The following RNF150 variants were observed in gnomAD, a reference collection of about 807,000 sequenced individuals.
RNF150 encodes the protein ring finger protein 150.
RNF150 carries 24 observed loss-of-function variants against 39.3 expected under a neutral mutation model. That is an observed-to-expected ratio of 0.61 (90% confidence interval 0.44 to 0.86). The LOEUF is 0.86. Ranked by LOEUF, RNF150 falls within the 40% of genes least tolerant of loss-of-function variation. The probability of loss-of-function intolerance (pLI) is 0.00; values close to 1 mark genes in which losing one functional copy is unlikely to be tolerated. For synonymous variants in RNF150, 255 were observed against 227.3 expected, an observed-to-expected ratio of 1.12 and a Z score of -1.10; for missense variants, 502 against 587.8, an observed-to-expected ratio of 0.85 and a Z score of 1.51.
chr4:141,005,719 T>C (rs1432322323), intron 1 of RNF150, among the ~76,000 whole-genome samples: 2 of 152,212 alleles, frequency 1.3e-5, no homozygotes, highest in Admixed American at 1.3e-4. Context: ...CATTTGTAAT[T>C]TGAGTATATC....
At chr4:141,002,646 G>A (rs892394549) in intron 1 of RNF150, among the ~76,000 whole-genome samples, 7 of 152,124 alleles carry the variant, frequency 4.6e-5, no homozygotes, top group African/African-American at 1.7e-4. Flanking sequence ...AGGAAGGACC[G>A]CTGCATGCAC....
intron 1 of RNF150, among the ~76,000 whole-genome samples, chr4:141,160,514 C>T (rs1381434660): frequency 6.6e-6 from 1 of 152,098 alleles, no homozygotes; most frequent in African/African-American, 2.4e-5. Context: ...CATAAAATAA[C>T]AAAATTAATT....
intron 4 of RNF150, among the ~76,000 whole-genome samples, chr4:140,938,257 TAA>T (rs1731936673): frequency 6.6e-6 from 1 of 152,198 alleles, no homozygotes; most frequent in Non-Finnish European, 1.5e-5. Flanking sequence ...ATGGTAACGC[TAA>T]GTTTTCAAAT....
intron 1 of RNF150, among the ~76,000 whole-genome samples, chr4:141,028,534 C>A (rs1735807429): frequency 6.6e-6 from 1 of 152,072 alleles, no homozygotes; most frequent in Non-Finnish European, 1.5e-5. Context: ...GCCTCTTAGA[C>A]AAATGGAGTA....
chr4:140,869,220 T>C (rs944477974), intron 6 of RNF150, among the ~76,000 whole-genome samples: 1 of 152,234 alleles, frequency 6.6e-6, no homozygotes, highest in African/African-American at 2.4e-5. Context: ...ATTAAAATGA[T>C]GTTTTCAAAG....
chr4:140,934,471 G>C (rs1340037109), intron 4 of RNF150, among the ~76,000 whole-genome samples: 3 of 151,800 alleles, frequency 2.0e-5, no homozygotes, highest in Non-Finnish European at 4.4e-5. Context: ...AAAAAAAAAA[G>C]AATGCAATAA....
At chr4:140,960,532 A>G (rs1014799921) in intron 2 of RNF150, among the ~76,000 whole-genome samples, 2 of 152,312 alleles carry the variant, frequency 1.3e-5, no homozygotes, top group East Asian at 1.9e-4. Context: ...CTGTGATTAG[A>G]GGGTTGGAAT....
chr4:141,000,721 G>T (rs918417899), intron 1 of RNF150, among the ~76,000 whole-genome samples: 6 of 152,180 alleles, frequency 3.9e-5, no homozygotes, highest in Non-Finnish European at 8.8e-5. Flanking sequence ...CGTTATAAAT[G>T]TGTCTCCTCA....
At chr4:141,062,665 CT>C (rs1737283132) in intron 1 of RNF150, among the ~76,000 whole-genome samples, 1 of 152,076 alleles carries the variant, frequency 6.6e-6, no homozygotes, top group African/African-American at 2.4e-5. Context: ...ATCTTATATT[CT>C]TAATTTTATA....
chr4:141,155,523 T>C (rs970107203), intron 1 of RNF150, among the ~76,000 whole-genome samples: 1 of 152,172 alleles, frequency 6.6e-6, no homozygotes, highest in African/African-American at 2.4e-5. Context: ...CAGGAATTTA[T>C]GCTGAATGGG....
chr4:140,916,271 A>G (rs1235523282), intron 5 of RNF150, among the ~76,000 whole-genome samples: 4 of 152,176 alleles, frequency 2.6e-5, no homozygotes, highest in Non-Finnish European at 5.9e-5. Flanking sequence ...AGTTCAAACC[A>G]ATGGCAAAGA....
intron 1 of RNF150, among the ~76,000 whole-genome samples, chr4:141,073,755 C>T (rs902203392): frequency 2.0e-5 from 3 of 152,030 alleles, no homozygotes; most frequent in African/African-American, 7.3e-5. Context: ...ACCAGCTGGG[C>T]TTGGTCATCT....
intron 2 of RNF150, among the ~76,000 whole-genome samples, chr4:140,949,844 G>A (rs1732477317): frequency 1.3e-5 from 2 of 152,096 alleles, no homozygotes; most frequent in Admixed American, 1.3e-4. Flanking sequence ...GCATAACGTT[G>A]GTTTAAATTT....
At chr4:141,073,033 C>G (rs1272450942) in intron 1 of RNF150, among the ~76,000 whole-genome samples, 1 of 152,106 alleles carries the variant, frequency 6.6e-6, no homozygotes, top group East Asian at 1.9e-4. Flanking sequence ...GTTCCATTAT[C>G]TGTGATCCCT....
At chr4:140,948,519 A>C (rs1560981979) in intron 3 of RNF150, among the ~76,000 whole-genome samples, 1 of 152,204 alleles carries the variant, frequency 6.6e-6, no homozygotes, top group Non-Finnish European at 1.5e-5. Flanking sequence ...TTCCCTCCTC[A>C]AGACATACTA....
At chr4:140,911,964 A>T (rs1027453567) in intron 5 of RNF150, among the ~76,000 whole-genome samples, 1 of 152,248 alleles carries the variant, frequency 6.6e-6, no homozygotes. Context: ...TTGATCATAC[A>T]TTAGTCAAAT....
At chr4:141,088,678 T>TACACACAC (rs60239559) in intron 1 of RNF150, among the ~76,000 whole-genome samples, 6,262 of 146,552 alleles carry the variant, frequency 0.043, 234 homozygotes, top group East Asian at 0.19. Flanking sequence ...ACTTTGCTTT[T>TACACACAC]ACACACACAC....
At chr4:140,920,828 A>C (rs1731091214) in intron 5 of RNF150, among the ~76,000 whole-genome samples, 4 of 151,198 alleles carry the variant, frequency 2.6e-5, no homozygotes, top group African/African-American at 9.7e-5. Context: ...AAAATGTGGC[A>C]CATATACACC....
chr4:141,125,738 C>G (rs376480581), intron 1 of RNF150, among the ~76,000 whole-genome samples: 10 of 152,128 alleles, frequency 6.6e-5, no homozygotes, highest in African/African-American at 2.4e-4. Flanking sequence ...ATAAGAAGCT[C>G]CAGGTTCTTT....
Sources: allele counts gnomAD v4.1 joint callset (sites outside exome capture counted in the v4.1 genomes callset), GRCh38; gene constraint gnomAD v4.1.1; transcripts MANE v1.5; gene names NCBI Gene and HGNC (gene_info 2026-07-23, HGNC 2026-07-21).